EAF2: variants seen among roughly 807,000 people sequenced by gnomAD.
EAF2 encodes ELL associated factor 2.
A neutral mutation model predicts 29.4 loss-of-function variants in EAF2; 29 were observed. The observed-to-expected ratio is 0.99, with a 90% CI of 0.73 to 1.35. The LOEUF is 1.35. Among genes scored for constraint, EAF2 ranks in the 40% most tolerant of loss-of-function variants. The pLI is 0.00. For missense variants in EAF2, 292 were observed against 312.0 expected (o/e 0.94, Z 0.48); for synonymous variants, 103 against 102.5 (o/e 1.00, Z -0.03).
At chr3:121,843,381 T>A (rs931314760) in intron 1 of EAF2, among the ~76,000 whole-genome samples, 2 of 152,142 alleles carry the variant, frequency 1.3e-5, no homozygotes, top group Non-Finnish European at 2.9e-5. Context: ...GGATTTAGAC[T>A]TTCTGTCTTT....
chr3:121,855,224 C>A (rs1024094427), intron 3 of EAF2, among the ~76,000 whole-genome samples: 4 of 152,286 alleles, frequency 2.6e-5, no homozygotes, highest in African/African-American at 9.6e-5. Flanking sequence ...CTCAAAACTT[C>A]TGCATTTTAT....
chr3:121,873,747 C>A (rs1709055348), intron 5 of EAF2, among the ~76,000 whole-genome samples: 1 of 151,838 alleles, frequency 6.6e-6, no homozygotes, highest in African/African-American at 2.4e-5. Context: ...CTTTCACTCA[C>A]ATCAGGACCC....
In EAF2 at chr3:121,857,011, AG is replaced by A. The variant is rs1462115426; in HGVS notation, c.340del (p.Val114LeufsTer28). ...SSNITVKKTR[V>X]EGSSKIQYRK... ...CAATATTTGATATTCTTAATTGCAG[AG>A]TTGAAGGAAGCAGTAAAATTCAGTA... On this transcript the variant is annotated frameshift_variant and splice_region_variant, in exon 4 of 6. Transcript: ENST00000273668. LOFTEE classifies it high-confidence loss of function. 3.1e-6 allele frequency: 5 copies of A among 1,607,040 alleles called. No homozygotes were observed. Among genetic ancestry groups the A allele is most frequent in the Admixed American group, 1.7e-5 (1 of 58,076 alleles).
intron 5 of EAF2, among the ~76,000 whole-genome samples, chr3:121,883,191 A>G (rs1709220422): frequency 6.6e-6 from 1 of 152,192 alleles, no homozygotes; most frequent in Non-Finnish European, 1.5e-5. Flanking sequence ...TTCAACTCAT[A>G]TTATCAACAA....
intron 1 of EAF2, among the ~76,000 whole-genome samples, chr3:121,841,402 G>C (rs1708420673): frequency 6.6e-6 from 1 of 151,000 alleles, no homozygotes; most frequent in East Asian, 2.0e-4. Flanking sequence ...CTACTCAGGA[G>C]GCTGAGGCGG....
At position 121,840,920 on chromosome 3, in the gene EAF2, T is replaced by A. The variant is rs1426687587; in HGVS notation, c.107-3533T>A. 2.0e-5 allele frequency among the ~76,000 whole-genome samples: 3 copies of A among 151,842 alleles called. No homozygotes were observed. In the East Asian group the frequency reaches 5.8e-4, roughly 29 times the overall value. On this transcript the variant is annotated intron_variant, in intron 1 of 5. Transcript: ENST00000273668. ...GAGAAGAAATTGAGATTCTGGGTAG[T>A]ACGGAAAGGACTGCACCCTGAAATA... is the stretch of plus-strand genomic sequence containing the variant.
At chr3:121,836,638 C>T (rs889869475) in intron 1 of EAF2, 1 of 987,730 alleles carries the variant, frequency 1.0e-6, no homozygotes, top group Non-Finnish European at 1.2e-6. Flanking sequence ...TATACTTTCT[C>T]ATCCAGAGCT....
intron 1 of EAF2, among the ~76,000 whole-genome samples, chr3:121,837,211 A>G (rs1160833762): frequency 1.3e-5 from 2 of 152,224 alleles, no homozygotes; most frequent in African/African-American, 4.8e-5. Context: ...ATGGCACAGA[A>G]TCATTTTAGA....
chr3:121,848,486 T>C (rs181070423), intron 2 of EAF2, among the ~76,000 whole-genome samples: 53 of 152,344 alleles, frequency 3.5e-4, no homozygotes, highest in African/African-American at 1.1e-3. Flanking sequence ...ATTAAGGGAA[T>C]GCAGCATTTA....
In EAF2 at chr3:121,835,394, G is replaced by A. The variant is rs1164947340; in HGVS notation, c.106+3G>A. 6.2e-7 allele frequency: 1 copy of A among 1,613,490 alleles called. No homozygotes were observed. The highest frequency in any genetic ancestry group is 2.2e-5 in the East Asian group (1 of 44,884). ...CTGCGCCTTCCACACTGTGCGCTGT[G>A]AGTGAGGACCATCCGGGGATAGAGG... is the stretch of plus-strand genomic sequence containing the variant. On this transcript the variant is annotated splice_donor_region_variant and intron_variant, in intron 1 of 5. Coordinates refer to ENST00000273668, the MANE Select transcript of EAF2 (RefSeq NM_018456.6).
chr3:121,860,427 T>C (rs1708805824), intron 4 of EAF2, among the ~76,000 whole-genome samples: 2 of 152,234 alleles, frequency 1.3e-5, no homozygotes, highest in African/African-American at 4.8e-5. Flanking sequence ...AATTTATCCA[T>C]TTCTTCTCGA....
At chr3:121,860,474 T>A (rs1366273122) in intron 4 of EAF2, among the ~76,000 whole-genome samples, 1 of 152,236 alleles carries the variant, frequency 6.6e-6, no homozygotes, top group Non-Finnish European at 1.5e-5. Context: ...TTTATAGTAT[T>A]CTCTGATGGT....
Position 121,886,406 on chromosome 3 carries a change from A to T in EAF2, c.*18A>T. 1 of 1,412,182 alleles carries T rather than the reference A, an allele frequency of 7.1e-7. No individual in the cohort carries two copies. Among genetic ancestry groups the T allele is most frequent in the Non-Finnish European group, 9.4e-7 (1 of 1,064,266 alleles). The allele number at this position is 1,412,182 out of a possible 1,614,324, so 87.5% of individuals were successfully genotyped here. A position where few individuals can be genotyped will look rare whatever the true frequency, so the allele number is the denominator to read the frequency against. ...ATGACTGAAGAAATATTTAGCTATA[A>T]ATAAAAATTTATACAGCATGTATAA... On this transcript the variant is annotated 3_prime_UTR_variant, in exon 6 of 6. Transcript: ENST00000273668.
chr3:121,868,314 A>G (rs1303655657), intron 4 of EAF2, among the ~76,000 whole-genome samples: 1 of 152,304 alleles, frequency 6.6e-6, no homozygotes, highest in South Asian at 2.1e-4. Flanking sequence ...TAAGAGCAAA[A>G]TAGGCCAGGC....
chr3:121,857,108 T>A lies in EAF2; in HGVS notation c.436T>A (p.Ser146Thr). 1.2e-6 allele frequency: 2 copies of A among 1,613,818 alleles called. No homozygotes were observed. The highest frequency in any genetic ancestry group is 3.3e-5 in the Admixed American group (2 of 59,936). ...RTPNLVKHSP[S>T]EDKMSPASPI... ...TCCCAATCTTGTAAAACATTCTCCA[T>A]CTGAAGATAAGATGTCCCCAGCATC... is the stretch of plus-strand genomic sequence containing the variant. The change falls in exon 4 of 6, where the codon TCT becomes ACT. Residue 146 changes from serine (S) to threonine (T), a missense_variant. Coordinates refer to ENST00000273668, the MANE Select transcript of EAF2 (RefSeq NM_018456.6).
intron 4 of EAF2, among the ~76,000 whole-genome samples, chr3:121,865,612 TG>T (rs1174759351): frequency 6.6e-6 from 1 of 151,868 alleles, no homozygotes; most frequent in Non-Finnish European, 1.5e-5. Flanking sequence ...GAGGCCGAGG[TG>T]GGAGGATCGT....
At chr3:121,846,222 T>C (rs1309124703) in intron 2 of EAF2, among the ~76,000 whole-genome samples, 3 of 152,218 alleles carry the variant, frequency 2.0e-5, no homozygotes, top group Admixed American at 1.3e-4. Context: ...AACCATTTAT[T>C]GAGAGCCCAC....
chr3:121,860,312 G>T (rs1193444386), intron 4 of EAF2, among the ~76,000 whole-genome samples: 2 of 152,054 alleles, frequency 1.3e-5, no homozygotes, highest in Non-Finnish European at 2.9e-5. Flanking sequence ...GCCTTTTTTT[G>T]ATTGGTAGGC....
chr3:121,875,471 C>T (rs1469639959), intron 5 of EAF2, among the ~76,000 whole-genome samples: 2 of 151,684 alleles, frequency 1.3e-5, no homozygotes, highest in African/African-American at 4.8e-5. Context: ...CTAGGTGGAA[C>T]GAACTACAAA....
Sources: gnomAD v4.1 joint callset for allele counts (sites outside exome capture counted in the v4.1 genomes callset) on GRCh38, gnomAD v4.1.1 for gene constraint, MANE v1.5 for transcripts, NCBI Gene and HGNC (gene_info 2026-07-23, HGNC 2026-07-21) for gene names.